PCLO: variants seen among roughly 807,000 people sequenced by gnomAD.
PCLO encodes the protein piccolo presynaptic cytomatrix protein.
PCLO carries 82 observed loss-of-function variants against 427.5 expected under a neutral mutation model. That is an observed-to-expected ratio of 0.19 (90% CI 0.16 to 0.23). PCLO has a LOEUF of 0.23. Ranked by LOEUF, PCLO falls within the 10% of genes least tolerant of loss-of-function variation. PCLO has a pLI of 1.00. For synonymous variants in PCLO, 2,357 were observed against 2,155.4 expected, an observed-to-expected ratio of 1.09 and a Z score of -2.59; for missense variants, 6,239 against 6,115.9, an observed-to-expected ratio of 1.02 and a Z score of -0.67.
intron 3 of PCLO, among the ~76,000 whole-genome samples, chr7:82,998,190 C>G (rs564003776): frequency 2.8e-4 from 42 of 151,918 alleles, no homozygotes; most frequent in African/African-American, 9.4e-4. Context: ...TGTGGACAAG[C>G]CTGAGAGTTT....
chr7:83,098,495 C>T (rs1345039794), intron 3 of PCLO, among the ~76,000 whole-genome samples: 1 of 152,116 alleles, frequency 6.6e-6, no homozygotes, highest in Admixed American at 6.5e-5. Context: ...TAGGTTCTAA[C>T]AGCGAATCTT....
intron 15 of PCLO, among the ~76,000 whole-genome samples, chr7:82,837,206 T>C (rs913173454): frequency 6.6e-6 from 1 of 152,080 alleles, no homozygotes; most frequent in African/African-American, 2.4e-5. Flanking sequence ...CCAAGTAATC[T>C]GGATTAAGGG....
chr7:83,048,578 C>T (rs923784514), intron 3 of PCLO, among the ~76,000 whole-genome samples: 1 of 152,138 alleles, frequency 6.6e-6, no homozygotes, highest in African/African-American at 2.4e-5. Flanking sequence ...CCCAACTCCA[C>T]ACTAATACTG....
intron 3 of PCLO, among the ~76,000 whole-genome samples, chr7:83,050,436 A>G (rs1583958191): frequency 6.6e-6 from 1 of 151,798 alleles, no homozygotes; most frequent in Non-Finnish European, 1.5e-5. Flanking sequence ...CTCTACTTTT[A>G]TTCCTTGACA....
chr7:82,988,281 G>A (rs765000135), intron 3 of PCLO, among the ~76,000 whole-genome samples: 1 of 151,680 alleles, frequency 6.6e-6, no homozygotes, highest in African/African-American at 2.4e-5. Context: ...CTTTCACCTC[G>A]GCCTCCCAAG....
intron 2 of PCLO, among the ~76,000 whole-genome samples, 176 bp from the exon 3 acceptor site, chr7:83,135,832 G>A (rs553068943): frequency 1.8e-4 from 28 of 152,226 alleles, no homozygotes; most frequent in Admixed American, 1.1e-3. Context: ...AGGCGTGGTG[G>A]CTCATGCCTG....
intron 22 of PCLO, among the ~76,000 whole-genome samples, chr7:82,773,277 A>T (rs1583958696): frequency 6.6e-6 from 1 of 152,206 alleles, no homozygotes; most frequent in Admixed American, 6.5e-5. Context: ...TGTGAGGAAA[A>T]ATAATCTGTG....
At chr7:83,088,266 A>C (rs1475950928) in intron 3 of PCLO, among the ~76,000 whole-genome samples, 1 of 152,140 alleles carries the variant, frequency 6.6e-6, no homozygotes, top group Non-Finnish European at 1.5e-5. Context: ...AAGCTGAGGA[A>C]AAAGAAGAGG....
intron 20 of PCLO, among the ~76,000 whole-genome samples, chr7:82,816,595 C>CCTT (rs1415232103): frequency 6.6e-6 from 1 of 151,856 alleles, no homozygotes; most frequent in Non-Finnish European, 1.5e-5. Flanking sequence ...ATTTAAGAAA[C>CCTT]CTTGGTATGT....
chr7:83,023,873 C>A (rs1788409106), intron 3 of PCLO, among the ~76,000 whole-genome samples: 1 of 152,166 alleles, frequency 6.6e-6, no homozygotes, highest in Non-Finnish European at 1.5e-5. Flanking sequence ...TATGGTTTCT[C>A]AATAAGTCTT....
intron 20 of PCLO, chr7:82,820,518 C>CACATGTGTA (rs1393745797): frequency 8.2e-7 from 1 of 1,222,216 alleles, no homozygotes; most frequent in African/African-American, 1.6e-5. Context: ...TACACAGGCA[C>CACATGTGTA]TTGGAGATTC....
chr7:83,055,989 A>G (rs1010739345), intron 3 of PCLO, among the ~76,000 whole-genome samples: 3 of 152,160 alleles, frequency 2.0e-5, no homozygotes, highest in African/African-American at 7.2e-5. Flanking sequence ...ATTTGGAACC[A>G]GGGTGCAACC....
chr7:82,806,508 G>C (rs1476908851), intron 20 of PCLO, among the ~76,000 whole-genome samples: 2 of 152,092 alleles, frequency 1.3e-5, no homozygotes, highest in Non-Finnish European at 2.9e-5. Context: ...ACAAATTTGT[G>C]CAATAAATTA....
intron 3 of PCLO, among the ~76,000 whole-genome samples, chr7:83,125,916 T>C (rs117552825): frequency 0.012 from 1,773 of 151,640 alleles, 10 homozygotes; most frequent in Middle Eastern, 0.037. Flanking sequence ...ATAAAAGACA[T>C]ATATGCACTC....
chr7:83,044,252 A>G, intron 3 of PCLO, among the ~76,000 whole-genome samples: 1 of 152,154 alleles, frequency 6.6e-6, no homozygotes, highest in East Asian at 1.9e-4. Context: ...ACCTCCGTCC[A>G]GGTCCTTCCC....
intron 20 of PCLO, among the ~76,000 whole-genome samples, chr7:82,808,881 T>C (rs932460904): frequency 2.6e-5 from 4 of 151,920 alleles, no homozygotes; most frequent in African/African-American, 7.2e-5. Context: ...GAAAAATGAA[T>C]TAAATTAAAA....
chr7:83,132,990 GA>G (rs1791611745), intron 3 of PCLO, among the ~76,000 whole-genome samples: 1 of 151,698 alleles, frequency 6.6e-6, no homozygotes, highest in African/African-American at 2.4e-5. Context: ...AGTCCTAAGA[GA>G]AACCAAAATT....
In PCLO at chr7:82,956,128, T is replaced by C. The variant is rs202192034; in HGVS notation, c.4825A>G (p.Arg1609Gly). 530 of 1,609,112 alleles carry C rather than the reference T, an allele frequency of 3.3e-4. No homozygotes were observed. The highest frequency in any genetic ancestry group is 4.3e-4 in the Non-Finnish European group (505 of 1,179,860). ...GTGCTACTTTTTCGAGTCAGTCGTC[T>C]GTGTTTCCCTGCTGTTATTTTGCCT... Reference protein sequence around the residue: ...GKGKITAGKHRRLTRKSSTSI... With the variant: ...GKGKITAGKHGRLTRKSSTSI... Residue 1609 changes from arginine to glycine, a missense_variant, in exon 5 of 25, where the codon AGA becomes GGA. By Grantham distance (125) the Arg-to-Gly change is moderately radical. Around this residue, in one of 5 missense-constraint regions of PCLO, gnomAD observed 4,677 missense variants for 4,468.4 expected, o/e 1.05. Transcript: ENST00000333891.
At chr7:83,149,099 G>C (rs1438342866) in intron 2 of PCLO, among the ~76,000 whole-genome samples, 1 of 152,102 alleles carries the variant, frequency 6.6e-6, no homozygotes, top group African/African-American at 2.4e-5. Flanking sequence ...CCTCAGGCAG[G>C]TCACCCTTTC....
Sources: gnomAD v4.1 joint callset for allele counts (sites outside exome capture counted in the v4.1 genomes callset) on GRCh38, gnomAD v4.1.1 for gene constraint, gnomAD v4.1.1 regional missense constraint, MANE v1.5 for transcripts, NCBI Gene and HGNC (gene_info 2026-07-23, HGNC 2026-07-21) for gene names.